Variants in PDCL3 observed in about 807,000 individuals in gnomAD.
PDCL3 encodes phosducin like 3, also known as phosducin-like protein 3.
Under a neutral mutation model 26.5 loss-of-function variants are expected in PDCL3, and 22 were observed. The ratio of observed to expected loss-of-function variants is 0.83; its 90% CI spans 0.59 to 1.19. The LOEUF is 1.19. PDCL3 is among the 50% of genes most tolerant of loss of function. PDCL3 has a pLI of 0.00. For missense variants in PDCL3, 246 were observed against 294.1 expected (o/e 0.84, Z 1.20); for synonymous variants, 81 against 104.9 (o/e 0.77, Z 1.39).
At chr2:100,564,528 C>G (rs1004313821) in intron 1 of PDCL3, among the ~76,000 whole-genome samples, 2 of 152,140 alleles carry the variant, frequency 1.3e-5, no homozygotes, top group Non-Finnish European at 2.9e-5. Context: ...GATCTCCTGA[C>G]CTGGTGATCT....
chr2:100,574,348 T>G (rs1675238512), intron 5 of PDCL3, among the ~76,000 whole-genome samples: 3 of 151,926 alleles, frequency 2.0e-5, no homozygotes, highest in South Asian at 4.1e-4. Context: ...AGTCTTGTTT[T>G]TTTTTTTTTT....
chr2:100,568,294 G>A (rs1466997229), intron 2 of PDCL3, among the ~76,000 whole-genome samples: 2 of 129,324 alleles, frequency 1.5e-5, no homozygotes, highest in African/African-American at 6.0e-5. Flanking sequence ...GAGTGGGTGT[G>A]GATAAAGAAG....
intron 5 of PDCL3, 22 bp downstream of exon 5, chr2:100,571,820 C>A (rs533013998): frequency 6.2e-7 from 1 of 1,611,256 alleles, no homozygotes; most frequent in Non-Finnish European, 8.5e-7. Context: ...GGGAGACAGG[C>A]GGGGCAGTGA....
chr2:100,567,074 T>C (rs1017267423), intron 2 of PDCL3, among the ~76,000 whole-genome samples: 10 of 152,156 alleles, frequency 6.6e-5, no homozygotes, highest in Non-Finnish European at 8.8e-5. Flanking sequence ...TTGTACTGTC[T>C]GAATTGGAGT....
chr2:100,571,922 G>GTGACTGTGTATGA, intron 5 of PDCL3, 124 bp downstream of exon 5: 48 of 895,134 alleles, frequency 5.4e-5, no homozygotes, highest in South Asian at 1.7e-4. Flanking sequence ...CTGTGTATGA[G>GTGACTGTGTATGA]GACGGAAGCA....
intron 4 of PDCL3, among the ~76,000 whole-genome samples, chr2:100,569,945 A>G (rs1432567385): frequency 6.6e-6 from 1 of 152,136 alleles, no homozygotes; most frequent in Non-Finnish European, 1.5e-5. Context: ...TCTCTACTAA[A>G]AATACAAAAA....
chr2:100,564,855 T>C (rs961586848), intron 1 of PDCL3, among the ~76,000 whole-genome samples: 3 of 152,324 alleles, frequency 2.0e-5, no homozygotes, highest in African/African-American at 2.4e-5. Flanking sequence ...CGTTCTAGCA[T>C]GGCAGTGCCT....
chr2:100,564,390 C>T (rs1010805344), intron 1 of PDCL3, among the ~76,000 whole-genome samples: 1 of 151,728 alleles, frequency 6.6e-6, no homozygotes, highest in African/African-American at 2.4e-5. Flanking sequence ...TCCGCCTCTC[C>T]AGTTCACGCC....
At chr2:100,565,176 C>T (rs966396898) in intron 1 of PDCL3, among the ~76,000 whole-genome samples, 1 of 152,096 alleles carries the variant, frequency 6.6e-6, no homozygotes, top group African/African-American at 2.4e-5. Flanking sequence ...CTATACTGGC[C>T]AGTCTGGTCT....
rs1674984497 is a variant in PDCL3 at position 100,563,193 on chromosome 2, C to T, written c.6+120C>T. 10 of 1,296,818 alleles carry T rather than the reference C, an allele frequency of 7.7e-6. No homozygotes were observed. In the South Asian group the frequency reaches 1.3e-4, roughly 17 times the overall value. 80.3% of individuals were successfully genotyped at this position (1,296,818 alleles called of 1,614,324 possible). ...TCCGGCGCCGCAGGCACGAGGGAGG[C>T]CCGGCGCGTCCAGGCCCTGCGCAGG... is the stretch of plus-strand genomic sequence containing the variant. On this transcript the variant is annotated intron_variant, in intron 1 of 5. Transcript: ENST00000264254.
chr2:100,565,659 T>C (rs1450881444), intron 1 of PDCL3, among the ~76,000 whole-genome samples: 1 of 152,174 alleles, frequency 6.6e-6, no homozygotes, highest in African/African-American at 2.4e-5. Flanking sequence ...GTAGGGAACA[T>C]CCCTATCTAC....
rs1440931962 is a variant in PDCL3, at chr2:100,571,638, G to A, written c.417G>A (p.Arg139=). The A allele has an allele frequency of 1.2e-6, 2 of 1,613,186 alleles. No individual in the cohort carries two copies. The highest frequency in any genetic ancestry group is 3.3e-5 in the Admixed American group (2 of 60,000). ...ATCAGCACCTCAGTGGACTTGCCAGGAAGTTTCCTGATGTCAAATTTATCA... is the reference window on the plus strand; with the variant it reads ...ATCAGCACCTCAGTGGACTTGCCAGAAAGTTTCCTGATGTCAAATTTATCA... ...LINQHLSGLA[R]KFPDVKFIKA... The change falls in exon 5 of 6, where the codon AGG becomes AGA. Residue 139 remains arginine, a synonymous_variant. Coordinates refer to ENST00000264254, the MANE Select transcript of PDCL3 (RefSeq NM_024065.5).
chr2:100,572,091 A>G lies in PDCL3; in HGVS notation c.577+293A>G, dbSNP rs75108850. Reference sequence around the variant, plus strand: ...ACAGTTGGATGTTTTTGTAGCTTGAAATCACAACATTCACTTTTGCTTTAA... The same window carrying G: ...ACAGTTGGATGTTTTTGTAGCTTGAGATCACAACATTCACTTTTGCTTTAA... On this transcript the variant is annotated intron_variant, in intron 5 of 5. Coordinates refer to ENST00000264254, the MANE Select transcript of PDCL3 (RefSeq NM_024065.5). The G allele has an allele frequency of 7.9e-3, 2,867 of 364,838 alleles. 65 individuals carry two copies. Among genetic ancestry groups the G allele is most frequent in the African/African-American group, 0.053 (2,550 of 48,302 alleles). 22.6% of individuals were successfully genotyped at this position (364,838 alleles called of 1,614,324 possible).
At chr2:100,572,635 A>G (rs917058748) in intron 5 of PDCL3, among the ~76,000 whole-genome samples, 1 of 151,984 alleles carries the variant, frequency 6.6e-6, no homozygotes, top group African/African-American at 2.4e-5. Flanking sequence ...CTCCTGCCTC[A>G]GCCTCCCTAG....
rs1383529845 is a variant in PDCL3, at chr2:100,576,700, C to G, written c.*204C>G. ...TTTTTTTTAAATTATAGTATTTCCT[C>G]TAAAAAAAATTAAAACCAGCCATTT... On this transcript the variant is annotated 3_prime_UTR_variant, in exon 6 of 6. Coordinates refer to ENST00000264254, the MANE Select transcript of PDCL3 (RefSeq NM_024065.5). The G allele has an allele frequency of 8.9e-5, 46 of 517,662 alleles. No individual in the cohort carries two copies. Among genetic ancestry groups the G allele is most frequent in the Admixed American group, 4.9e-4 (11 of 22,340 alleles). 32.1% of individuals were successfully genotyped at this position (517,662 alleles called of 1,614,324 possible). A position where few individuals can be genotyped will look rare whatever the true frequency, so the allele number is the denominator to read the frequency against.
intron 2 of PDCL3, among the ~76,000 whole-genome samples, chr2:100,567,169 A>G (rs183793816): frequency 6.6e-6 from 1 of 152,332 alleles, no homozygotes; most frequent in African/African-American, 2.4e-5. Flanking sequence ...ATTTTAAACA[A>G]GTGCCTTAAA....
rs774029641 is a variant in PDCL3 at position 100,569,007 on chromosome 2, T to C, written c.210T>C (p.Ala70=). The C allele has an allele frequency of 1.2e-6, 2 of 1,614,070 alleles. No homozygotes were observed. The highest frequency in any genetic ancestry group is 1.7e-5 in the Admixed American group (1 of 60,014). The change falls in exon 3 of 6, where the codon GCT becomes GCC. Residue 70 remains alanine (A), a synonymous_variant. Coordinates refer to ENST00000264254, the MANE Select transcript of PDCL3 (RefSeq NM_024065.5). The part of the protein sequence containing the change: ...EDEFNEEDER[A]IEMYRRRRLA... ...AGTTTAATGAGGAGGATGAACGTGC[T>C]ATTGAAATGTACAGGTAAGCGCCAC...
At chr2:100,572,138 G>A (rs1675190642) in intron 5 of PDCL3, 2 of 279,406 alleles carry the variant, frequency 7.2e-6, no homozygotes, top group Non-Finnish European at 1.4e-5. Context: ...ACAGGGAGAC[G>A]TTAATGTATG....
At chr2:100,571,116 A>G (rs1441670357) in intron 4 of PDCL3, among the ~76,000 whole-genome samples, 1 of 140,206 alleles carries the variant, frequency 7.1e-6, no homozygotes, top group African/African-American at 2.7e-5. Flanking sequence ...TGTCTTTACA[A>G]AAAAAAAAAA....
Sources: allele counts gnomAD v4.1 joint callset (sites outside exome capture counted in the v4.1 genomes callset), GRCh38; gene constraint gnomAD v4.1.1; transcripts MANE v1.5; gene names NCBI Gene and HGNC (gene_info 2026-07-23, HGNC 2026-07-21).